Variants in KIF25 observed in about 807,000 individuals in gnomAD.
The protein encoded by KIF25 is kinesin-like protein KIF25.
KIF25 carries 19 observed loss-of-function variants against 32.9 expected under a neutral mutation model. The observed-to-expected ratio is 0.58, with a 90% CI of 0.40 to 0.85. The LOEUF is 0.85. Ranked by LOEUF, KIF25 falls within the 40% of genes least tolerant of loss-of-function variation. The probability of loss-of-function intolerance (pLI) is 0.00; values close to 1 mark genes in which losing one functional copy is unlikely to be tolerated. For synonymous variants in KIF25, 225 were observed against 213.7 expected, an observed-to-expected ratio of 1.05 and a Z score of -0.46; for missense variants, 485 against 507.0, an observed-to-expected ratio of 0.96 and a Z score of 0.42.
At chr6:168,027,467 AAAAAAAAAG>A (rs1288416617) in intron 5 of KIF25, among the ~76,000 whole-genome samples, 3 of 151,686 alleles carry the variant, frequency 2.0e-5, no homozygotes, top group African/African-American at 4.8e-5. Flanking sequence ...AAAAAAAAAA[AAAAAAAAAG>A]AGAGAGAGAG....
rs767697578 is a variant in KIF25 at position 168,031,518 on chromosome 6, A to AT, written c.167+672dup. Among the ~76,000 whole-genome samples, 327 of 152,316 alleles carry AT rather than the reference A, an allele frequency of 2.1e-3. 8 individuals are homozygous for AT. Among genetic ancestry groups the AT allele is most frequent in the Non-Finnish European group, 5.4e-4 (37 of 68,032 alleles). ...GTGCTGCGCGTCCCAAAGGCACATG[A>AT]TCCAACGAGTAGGGTCAAGTCAGGA... On this transcript the variant is annotated intron_variant, in intron 7 of 12. Transcript: ENST00000643607.
chr6:168,025,893 A>T (rs1798853443), intron 5 of KIF25, among the ~76,000 whole-genome samples: 1 of 152,238 alleles, frequency 6.6e-6, no homozygotes, highest in Non-Finnish European at 1.5e-5. Flanking sequence ...GCGGCCGAGT[A>T]CTGAGTGACA....
At chr6:168,015,550 T>C (rs1337161211) in intron 4 of KIF25, among the ~76,000 whole-genome samples, 1 of 152,186 alleles carries the variant, frequency 6.6e-6, no homozygotes, top group African/African-American at 2.4e-5. Context: ...CATGCAGTTG[T>C]GTTCAGGCCT....
At chr6:168,016,776 G>A (rs1037991280) in intron 4 of KIF25, among the ~76,000 whole-genome samples, 3 of 152,222 alleles carry the variant, frequency 2.0e-5, no homozygotes, top group Non-Finnish European at 2.9e-5. Flanking sequence ...GGAGGCAGAG[G>A]CCAGTTAGGG....
chr6:168,016,373 C>T (rs1472797667), intron 4 of KIF25, among the ~76,000 whole-genome samples: 3 of 152,242 alleles, frequency 2.0e-5, no homozygotes, highest in Non-Finnish European at 4.4e-5. Flanking sequence ...TGCCGGAGCA[C>T]GAGCACGCGC....
At chr6:167,999,537 T>C (rs970152446) in intron 2 of KIF25, among the ~76,000 whole-genome samples, 3 of 152,246 alleles carry the variant, frequency 2.0e-5, no homozygotes, top group Admixed American at 2.0e-4. Context: ...CCAAACTGCC[T>C]GAGCAGGCCT....
At chr6:168,013,515 G>T (rs1424906635) in intron 4 of KIF25, among the ~76,000 whole-genome samples, 1 of 151,986 alleles carries the variant, frequency 6.6e-6, no homozygotes, top group African/African-American at 2.4e-5. Flanking sequence ...ATGGGGCTGT[G>T]CTGCAGCAGC....
intron 11 of KIF25, 115 bp downstream of exon 11, chr6:168,042,266 C>T: frequency 9.0e-7 from 1 of 1,116,388 alleles, no homozygotes; most frequent in Non-Finnish European, 1.3e-6. Context: ...AGGCATTTCC[C>T]CCTCCACAGG....
chr6:168,030,822 C>A lies in KIF25; in HGVS notation c.142C>A (p.Pro48Thr). 6.2e-7 allele frequency: 1 copy of A among 1,613,008 alleles called. No homozygotes were observed. Among genetic ancestry groups the A allele is most frequent in the Non-Finnish European group, 8.5e-7 (1 of 1,179,448 alleles). Residue 48 changes from proline (P) to threonine (T), a missense_variant, in exon 7 of 13, where the codon CCC (proline) becomes ACC (threonine). Physicochemically the swap from Pro to Thr is conservative, Grantham distance 38. Transcript: ENST00000643607. ...GAGCGCGGTCTTTGGAGATGTGTGC[C>A]CCCTACTCACTTCTCTCTTGGATGG... ...SQSAVFGDVC[P>T]LLTSLLDGYN...
In KIF25 at chr6:168,030,817, T is replaced by C; in HGVS notation, c.137T>C (p.Val46Ala). ...TCTCAGAGCGCGGTCTTTGGAGATG[T>C]GTGCCCCCTACTCACTTCTCTCTTG... Reference protein sequence around the residue: ...AESQSAVFGDVCPLLTSLLDG... With the variant: ...AESQSAVFGDACPLLTSLLDG... Residue 46 changes from valine to alanine, a missense_variant, in exon 7 of 13, where the codon GTG becomes GCG. By Grantham distance (64) the Val-to-Ala change is moderately conservative. Transcript: ENST00000643607. 2 of 1,613,660 alleles carry C rather than the reference T, an allele frequency of 1.2e-6. No homozygotes were observed. The highest frequency in any genetic ancestry group is 1.7e-6 in the Non-Finnish European group (2 of 1,179,786).
intron 4 of KIF25, among the ~76,000 whole-genome samples, chr6:168,010,565 G>A (rs1310230245): frequency 6.6e-6 from 1 of 152,150 alleles, no homozygotes; most frequent in South Asian, 2.1e-4. Flanking sequence ...CCTGAAGAAT[G>A]TTCCATTTGC....
chr6:168,037,977 G>A (rs1031050318), intron 8 of KIF25, among the ~76,000 whole-genome samples: 2 of 152,158 alleles, frequency 1.3e-5, no homozygotes, highest in South Asian at 4.1e-4. Context: ...GCCTCCTGAA[G>A]TGCTGGAATT....
At chr6:168,022,410 T>A (rs1017389047) in intron 5 of KIF25, among the ~76,000 whole-genome samples, 2 of 152,192 alleles carry the variant, frequency 1.3e-5, no homozygotes, top group African/African-American at 4.8e-5. Flanking sequence ...TGTTCCTTAT[T>A]TTGTATCTTT....
chr6:168,014,122 C>G (rs979549298), intron 4 of KIF25, among the ~76,000 whole-genome samples: 3 of 152,062 alleles, frequency 2.0e-5, no homozygotes, highest in African/African-American at 7.2e-5. Context: ...GCCCTTGGGA[C>G]CTTATCAATC....
chr6:168,012,232 G>T (rs1583128353), intron 4 of KIF25, among the ~76,000 whole-genome samples: 1 of 152,200 alleles, frequency 6.6e-6, no homozygotes, highest in East Asian at 1.9e-4. Flanking sequence ...ACTTCCCTTT[G>T]GAGGTTACAT....
In KIF25 at chr6:168,002,561, A is replaced by G. The variant is rs1369775646; in HGVS notation, c.-351A>G. The G allele has an allele frequency of 6.6e-6, 1 of 152,184 alleles. No individual in the cohort carries two copies. The highest frequency in any genetic ancestry group is 2.4e-5 in the African/African-American group (1 of 41,424). The allele number at this position is 152,184 out of a possible 1,614,324, so 9.4% of individuals were successfully genotyped here. ...TTTTCAGATTCATGATGGCTTGCAG[A>G]TGCTTGATTTCCTGAAGGGGAGAAC... On this transcript the variant is annotated 5_prime_UTR_variant, in exon 3 of 13. An upstream start codon of the reference 5' UTR is lost. Coordinates refer to ENST00000643607, the MANE Select transcript of KIF25 (RefSeq NM_030615.4).
chr6:168,042,616 C>T lies in KIF25; in HGVS notation c.885C>T (p.Ser295=), dbSNP rs773210209. 9 of 1,613,848 alleles carry T rather than the reference C, an allele frequency of 5.6e-6. No homozygotes were observed. In the East Asian group the frequency reaches 1.6e-4, roughly 28 times the overall value. Residue 295 remains serine, a synonymous_variant, in exon 12 of 13, where the codon AGC becomes AGT. Coordinates refer to ENST00000643607, the MANE Select transcript of KIF25 (RefSeq NM_030615.4). ...GGGAGATGGCGTGCATCAGCCGCAG[C>T]CTTGCGGCCCTGGCAGGCGTCCTGG... ...ALREMACISR[S]LAALAGVLGA...
At chr6:168,032,794 T>G (rs1051707192) in intron 7 of KIF25, among the ~76,000 whole-genome samples, 2 of 152,220 alleles carry the variant, frequency 1.3e-5, no homozygotes, top group African/African-American at 4.8e-5. Flanking sequence ...AATTTCTGAG[T>G]GCAGGACTTG....
intron 4 of KIF25, among the ~76,000 whole-genome samples, chr6:168,013,968 C>T (rs1245197458): frequency 6.6e-6 from 1 of 151,838 alleles, no homozygotes; most frequent in Non-Finnish European, 1.5e-5. Flanking sequence ...TCTCTCTCAT[C>T]AGCGTCTTGC....
Sources: gnomAD v4.1 joint callset for allele counts (sites outside exome capture counted in the v4.1 genomes callset) on GRCh38, gnomAD v4.1.1 for gene constraint, MANE v1.5 for transcripts, NCBI Gene and HGNC (gene_info 2026-07-23, HGNC 2026-07-21) for gene names.